Variants in PSD3 observed in about 807,000 individuals in gnomAD.
PSD3 encodes pleckstrin and Sec7 domain containing 3, also known as PH and SEC7 domain-containing protein 3.
PSD3 carries 49 observed loss-of-function variants against 105.5 expected under a neutral mutation model. The ratio of observed to expected loss-of-function variants is 0.46; its 90% CI spans 0.37 to 0.59. The LOEUF (loss-of-function observed/expected upper bound fraction) is 0.59. Among genes scored for constraint, PSD3 ranks in the 20% least tolerant of loss-of-function variants. The pLI, the probability that PSD3 is intolerant of heterozygous loss-of-function variation, is 0.00. For missense variants in PSD3, 1,561 were observed against 1,263.8 expected (o/e 1.24, Z -3.57); for synonymous variants, 557 against 457.8 (o/e 1.22, Z -2.77).
intron 9 of PSD3, among the ~76,000 whole-genome samples, chr8:18,754,697 T>C (rs1805878057): frequency 6.6e-6 from 1 of 152,194 alleles, no homozygotes; most frequent in Non-Finnish European, 1.5e-5. Context: ...ACATGGACTC[T>C]GTAATTATTC....
chr8:19,002,566 CT>C (rs955612874), intron 1 of PSD3, among the ~76,000 whole-genome samples: 9 of 151,546 alleles, frequency 5.9e-5, no homozygotes, highest in African/African-American at 2.2e-4. Flanking sequence ...TAGAAAAACA[CT>C]GAAAGTTAAA....
rs150764814 is a variant in PSD3 at position 18,958,216 on chromosome 8, T to C, written c.22-22074A>G. On this transcript the variant is annotated intron_variant, in intron 1 of 15. Coordinates refer to ENST00000327040, the MANE Select transcript of PSD3 (RefSeq NM_015310.4). ...CTGAAACTACCGCCAAGATATACTGTTACATATATAATAATGTATGCATAT... is the reference window on the plus strand; with the variant it reads ...CTGAAACTACCGCCAAGATATACTGCTACATATATAATAATGTATGCATAT... Among the ~76,000 whole-genome samples, 812 of 152,306 alleles carry C rather than the reference T, an allele frequency of 5.3e-3. 2 individuals carry two copies. The highest frequency in any genetic ancestry group is 8.8e-3 in the Admixed American group (135 of 15,296).
At chr8:18,565,422 C>T (rs1231749996) in intron 14 of PSD3, among the ~76,000 whole-genome samples, 1 of 152,140 alleles carries the variant, frequency 6.6e-6, no homozygotes, top group Non-Finnish European at 1.5e-5. Flanking sequence ...ACTCCTCCTA[C>T]ACAGCAGAGT....
Position 18,650,799 on chromosome 8 carries a change from C to T in PSD3, c.2216+4843G>A, listed in dbSNP as rs78633910. On this transcript the variant is annotated intron_variant, in intron 10 of 15. Transcript: ENST00000327040. The stretch of plus-strand genomic sequence containing the variant: ...GAGACTAGCAAATTAATACAACATT[C>T]TCTTAATGTGCACTGTATCAAAGGC... 3.3e-3 allele frequency among the ~76,000 whole-genome samples: 508 copies of T among 152,328 alleles called. 14 individuals are homozygous for T. The East Asian group carries it at 0.06, about 18-fold the overall frequency.
chr8:18,575,175 C>T lies in PSD3; in HGVS notation c.2592G>A (p.Val864=). 6.2e-7 allele frequency: 1 copy of T among 1,613,726 alleles called. No homozygotes were observed. Among genetic ancestry groups the T allele is most frequent in the Non-Finnish European group, 8.5e-7 (1 of 1,179,812 alleles). The stretch of plus-strand genomic sequence containing the variant: ...TCCAGTCGGCAGTTTTAAGTTTAAA[C>T]ACGTTTGGTTTCTTCTCATAGTCCG... ...KATDYEKKPN[V]FKLKTADWRV... Residue 864 remains valine, a synonymous_variant, in exon 13 of 16, where the codon GTG becomes GTA. Transcript: ENST00000327040.
At chr8:18,632,174 C>T (rs796374027) in intron 11 of PSD3, among the ~76,000 whole-genome samples, 7 of 152,104 alleles carry the variant, frequency 4.6e-5, no homozygotes, top group African/African-American at 1.4e-4. Flanking sequence ...TATGAATTCC[C>T]TCCCTCCATC....
chr8:18,867,914 T>A lies in PSD3; in HGVS notation c.1394A>T (p.Tyr465Phe). ...YYSAESLETL[Y>F]SEPDSYFSFE... ...GCTAAAATAGCTATCAGGCTCTGAG[T>A]ATAATGTCTCCAGGGACTCTGCACT... The change falls in exon 4 of 16, where the codon TAC becomes TTC. Residue 465 changes from tyrosine to phenylalanine, a missense_variant. Coordinates refer to ENST00000327040, the MANE Select transcript of PSD3 (RefSeq NM_015310.4). 1 of 1,614,148 alleles carries A rather than the reference T, an allele frequency of 6.2e-7. No individual in the cohort carries two copies. Among genetic ancestry groups the A allele is most frequent in the Non-Finnish European group, 8.5e-7 (1 of 1,180,020 alleles).
intron 11 of PSD3, among the ~76,000 whole-genome samples, chr8:18,618,699 A>G (rs968019124): frequency 6.7e-6 from 1 of 149,898 alleles, no homozygotes. Flanking sequence ...TTCTAATGGG[A>G]TATTCTTTTC....
chr8:18,601,324 A>ATATCATTTT (rs1804425547), intron 11 of PSD3, among the ~76,000 whole-genome samples: 1 of 151,978 alleles, frequency 6.6e-6, no homozygotes, highest in Admixed American at 6.6e-5. Context: ...TATTGCTTGA[A>ATATCATTTT]TATCATTTTT....
intron 11 of PSD3, among the ~76,000 whole-genome samples, chr8:18,619,151 A>G (rs1174886582): frequency 6.6e-6 from 1 of 152,010 alleles, no homozygotes; most frequent in Non-Finnish European, 1.5e-5. Context: ...CCTCCAACCA[A>G]CTGCATGGAC....
chr8:18,975,110 A>G lies in PSD3; in HGVS notation c.21+38453T>C, dbSNP rs561468489. ...CCTGCTGGGTGGCAGGTGGGAAGCA[A>G]AGCTTTCAAAAGGGACAAGGGTTGG... On this transcript the variant is annotated intron_variant, in intron 1 of 15. Transcript: ENST00000327040. 3.5e-4 allele frequency among the ~76,000 whole-genome samples: 53 copies of G among 152,210 alleles called. No homozygotes were observed. In the Middle Eastern group the frequency reaches 0.01, roughly 29 times the overall value.
At chr8:18,956,095 T>C (rs1481110362) in intron 1 of PSD3, among the ~76,000 whole-genome samples, 1 of 151,948 alleles carries the variant, frequency 6.6e-6, no homozygotes, top group Non-Finnish European at 1.5e-5. Flanking sequence ...ATCAACTGAA[T>C]GAATGGAAGG....
chr8:19,033,118 A>G (rs1265867537), intron 1 of PSD3, among the ~76,000 whole-genome samples: 5 of 149,430 alleles, frequency 3.3e-5, no homozygotes, highest in Non-Finnish European at 7.5e-5. Context: ...AACAAACGGA[A>G]CAAAACCACA....
At chr8:18,726,067 A>T (rs980523414) in intron 9 of PSD3, among the ~76,000 whole-genome samples, 3 of 152,204 alleles carry the variant, frequency 2.0e-5, no homozygotes, top group African/African-American at 7.2e-5. Context: ...CTCACAGTTC[A>T]TGGACGTTAT....
intron 4 of PSD3, among the ~76,000 whole-genome samples, chr8:18,820,159 G>A (rs1400257378): frequency 8.1e-6 from 1 of 123,754 alleles, no homozygotes; most frequent in Non-Finnish European, 1.6e-5. Context: ...GTTAATTGCT[G>A]GCATTTTTTT....
At chr8:18,586,732 G>C in intron 12 of PSD3, among the ~76,000 whole-genome samples, 1 of 152,114 alleles carries the variant, frequency 6.6e-6, no homozygotes, top group African/African-American at 2.4e-5. Context: ...TCTGTCTCAG[G>C]CAGTACTACC....
chr8:18,994,655 G>C (rs73666778), intron 1 of PSD3, among the ~76,000 whole-genome samples: 4,002 of 151,698 alleles, frequency 0.026, 189 homozygotes, highest in African/African-American at 0.092. Flanking sequence ...CAATATTTCG[G>C]ACACAGTAGG....
chr8:18,903,607 T>C (rs1819651704), intron 2 of PSD3, among the ~76,000 whole-genome samples: 1 of 152,142 alleles, frequency 6.6e-6, no homozygotes, highest in Admixed American at 6.5e-5. Flanking sequence ...CCCTGTTATA[T>C]GGGGTGCTAT....
At chr8:18,719,337 CA>C (rs1802802340) in intron 9 of PSD3, among the ~76,000 whole-genome samples, 1 of 152,116 alleles carries the variant, frequency 6.6e-6, no homozygotes, top group Non-Finnish European at 1.5e-5. Flanking sequence ...ATGGCTTGTA[CA>C]AACTACTAAA....
Sources: allele counts gnomAD v4.1 joint callset (sites outside exome capture counted in the v4.1 genomes callset), GRCh38; gene constraint gnomAD v4.1.1; transcripts MANE v1.5; gene names NCBI Gene and HGNC (gene_info 2026-07-23, HGNC 2026-07-21).